The following DPF3 variants were observed in gnomAD, a reference collection of about 807,000 sequenced individuals.
The protein encoded by DPF3 is double PHD fingers 3.
Under a neutral mutation model 56.8 loss-of-function variants are expected in DPF3, and 18 were observed. The observed-to-expected ratio is 0.32, with a 90% CI of 0.22 to 0.47. The LOEUF (loss-of-function observed/expected upper bound fraction) is 0.47. Ranked by LOEUF, DPF3 falls within the 20% of genes least tolerant of loss-of-function variation. The pLI is 1.00. For synonymous variants in DPF3, 188 were observed against 180.2 expected (o/e 1.04, Z -0.35); for missense variants, 403 against 488.8 (o/e 0.82, Z 1.65).
At chr14:72,674,558 G>A (rs1886828063) in intron 7 of DPF3, among the ~76,000 whole-genome samples, 190 bp from the exon 8 acceptor site, 1 of 152,180 alleles carries the variant, frequency 6.6e-6, no homozygotes, top group Admixed American at 6.5e-5. Context: ...TATCTTGCAA[G>A]TCACCCAGAG....
intron 4 of DPF3, among the ~76,000 whole-genome samples, chr14:72,726,740 C>T (rs1047810623): frequency 6.6e-6 from 1 of 152,150 alleles, no homozygotes; most frequent in Admixed American, 6.5e-5. Flanking sequence ...GACATGCATT[C>T]CTTGTCCAAG....
chr14:72,831,662 T>A (rs1287297727), intron 1 of DPF3, among the ~76,000 whole-genome samples: 3 of 152,328 alleles, frequency 2.0e-5, no homozygotes, highest in African/African-American at 7.2e-5. Flanking sequence ...AGCCAAGAAC[T>A]CAAGGCTTCA....
intron 7 of DPF3, among the ~76,000 whole-genome samples, chr14:72,678,872 G>A (rs921797945): frequency 2.6e-5 from 4 of 152,018 alleles, no homozygotes; most frequent in African/African-American, 9.7e-5. Context: ...ATCTACCTGA[G>A]GGAGATAACT....
chr14:72,632,524 CAAAT>C (rs1372050605), intron 8 of DPF3, among the ~76,000 whole-genome samples: 2 of 121,492 alleles, frequency 1.6e-5, no homozygotes, highest in African/African-American at 6.2e-5. Flanking sequence ...ATAAGGAAAA[CAAAT>C]AAAAAATTAA....
chr14:72,861,747 GAAAGAA>G (rs750294821), intron 1 of DPF3, among the ~76,000 whole-genome samples: 253 of 15,642 alleles, frequency 0.016, 4 homozygotes, highest in South Asian at 0.045. Flanking sequence ...GAGAAAGAAA[GAAAGAA>G]AGAAAGAAAG....
intron 1 of DPF3, among the ~76,000 whole-genome samples, chr14:72,802,311 G>A (rs1270880763): frequency 1.3e-5 from 2 of 152,200 alleles, no homozygotes; most frequent in African/African-American, 2.4e-5. Context: ...TTCTCACCCT[G>A]TTCTGTTGCC....
chr14:72,761,147 C>T (rs1448143583), intron 2 of DPF3, among the ~76,000 whole-genome samples: 1 of 151,736 alleles, frequency 6.6e-6, no homozygotes, highest in Non-Finnish European at 1.5e-5. Context: ...GTTTCAATAC[C>T]CTACCTCTCA....
intron 7 of DPF3, among the ~76,000 whole-genome samples, chr14:72,683,487 T>C (rs1359935403): frequency 6.6e-6 from 1 of 151,886 alleles, no homozygotes; most frequent in Non-Finnish European, 1.5e-5. Flanking sequence ...GTGACAGTCA[T>C]GTCACCCGGA....
chr14:72,723,729 C>T lies in DPF3; in HGVS notation c.430-1G>A. The T allele has an allele frequency of 2.6e-6, 4 of 1,562,380 alleles. No individual in the cohort carries two copies. Among genetic ancestry groups the T allele is most frequent in the Non-Finnish European group, 3.4e-6 (4 of 1,164,054 alleles). On this transcript the variant is annotated splice_acceptor_variant, in intron 4 of 10. Transcript: ENST00000556509. LOFTEE classifies it high-confidence loss of function. ...CATTTTCATCATTTTCCAAAACCCT[C>T]TGAAATGAAAAAAAAAAATAGAAAA... is the stretch of plus-strand genomic sequence containing the variant.
chr14:72,647,068 C>T (rs1328151061), intron 8 of DPF3, among the ~76,000 whole-genome samples: 1 of 152,218 alleles, frequency 6.6e-6, no homozygotes, highest in Non-Finnish European at 1.5e-5. Flanking sequence ...CTTCCCACCA[C>T]TCTCATCCTG....
chr14:72,859,590 G>C, intron 1 of DPF3, among the ~76,000 whole-genome samples: 1 of 151,310 alleles, frequency 6.6e-6, no homozygotes, highest in East Asian at 2.0e-4. Flanking sequence ...GGACAGAGCG[G>C]GTGGGCCTGA....
chr14:72,692,641 C>T (rs924819246), intron 7 of DPF3, among the ~76,000 whole-genome samples: 4 of 152,196 alleles, frequency 2.6e-5, no homozygotes, highest in Non-Finnish European at 4.4e-5. Flanking sequence ...AAAACCACAG[C>T]AATAGATAAG....
At chr14:72,734,326 TTAAGGAGAG>T (rs1889799149) in intron 3 of DPF3, among the ~76,000 whole-genome samples, 2 of 152,156 alleles carry the variant, frequency 1.3e-5, no homozygotes, top group Non-Finnish European at 2.9e-5. Flanking sequence ...GAAGTTACAT[TTAAGGAGAG>T]TGTCAGACAA....
At chr14:72,759,844 A>G (rs1371980669) in intron 2 of DPF3, among the ~76,000 whole-genome samples, 1 of 152,324 alleles carries the variant, frequency 6.6e-6, no homozygotes, top group South Asian at 2.1e-4. Flanking sequence ...TGCAAGCAAG[A>G]AAAGAGTGGT....
At chr14:72,725,538 G>C (rs1415109510) in intron 4 of DPF3, among the ~76,000 whole-genome samples, 1 of 152,090 alleles carries the variant, frequency 6.6e-6, no homozygotes, top group Non-Finnish European at 1.5e-5. Flanking sequence ...AGTGTGACCA[G>C]TGCTTAGTGG....
At chr14:72,760,514 C>T (rs1178026929) in intron 2 of DPF3, among the ~76,000 whole-genome samples, 1 of 152,124 alleles carries the variant, frequency 6.6e-6, no homozygotes, top group East Asian at 1.9e-4. Context: ...GTAACATACG[C>T]ACAGATTTCA....
In DPF3 at chr14:72,771,742, G is replaced by T. The variant is rs775529351; in HGVS notation, c.184C>A (p.Arg62=). The T allele has an allele frequency of 4.3e-6, 7 of 1,612,130 alleles. No homozygotes were observed. In the South Asian group the frequency reaches 5.5e-5, roughly 13 times the overall value. ...GAGTGGCGCAGCTCACCTGGGCCTC[G>T]GTGCCTCTTCTCCATCCAGATGTAG... ...NCYIWMEKRH[R]GPGLAPGQLY... The change falls in exon 2 of 11, where the codon CGA becomes AGA. Residue 62 remains arginine (R), a synonymous_variant. Coordinates refer to ENST00000556509, the MANE Select transcript of DPF3 (RefSeq NM_001280542.3).
intron 1 of DPF3, among the ~76,000 whole-genome samples, chr14:72,816,039 T>C (rs900808221): frequency 2.0e-5 from 3 of 152,214 alleles, no homozygotes; most frequent in African/African-American, 4.8e-5. Flanking sequence ...ATCCAATATC[T>C]TACCCAAGGT....
chr14:72,717,683 A>T (rs1230151373), intron 5 of DPF3, among the ~76,000 whole-genome samples: 1 of 152,186 alleles, frequency 6.6e-6, no homozygotes, highest in African/African-American at 2.4e-5. Context: ...CAATAACCCT[A>T]TGAGTTAGAC....
Sources: allele counts gnomAD v4.1 joint callset (sites outside exome capture counted in the v4.1 genomes callset), GRCh38; gene constraint gnomAD v4.1.1; transcripts MANE v1.5; gene names NCBI Gene and HGNC (gene_info 2026-07-23, HGNC 2026-07-21).